XRCC4: variants seen among roughly 807,000 people sequenced by gnomAD.
XRCC4 encodes DNA repair protein XRCC4.
A neutral mutation model predicts 39.1 loss-of-function variants in XRCC4; 28 were observed. The ratio of observed to expected loss-of-function variants is 0.72; its 90% CI spans 0.53 to 0.98. The LOEUF is 0.98. Ranked by LOEUF, XRCC4 falls within the 50% of genes least tolerant of loss-of-function variation. The pLI, the probability that XRCC4 is intolerant of heterozygous loss-of-function variation, is 0.00. For missense variants in XRCC4, 350 were observed against 376.4 expected, an observed-to-expected ratio of 0.93 and a Z score of 0.58; for synonymous variants, 123 against 126.4, an observed-to-expected ratio of 0.97 and a Z score of 0.18.
intron 3 of XRCC4, among the ~76,000 whole-genome samples, chr5:83,121,000 T>C (rs1012429562): frequency 1.3e-5 from 2 of 152,250 alleles, no homozygotes; most frequent in African/African-American, 4.8e-5. Flanking sequence ...TCTGTCATTA[T>C]AGATTGGTTT....
chr5:83,165,183 TC>T (rs1172493284), intron 3 of XRCC4, among the ~76,000 whole-genome samples: 2 of 151,644 alleles, frequency 1.3e-5, no homozygotes, highest in African/African-American at 4.8e-5. Context: ...ATGAAATAAT[TC>T]CCCCTTTAAA....
intron 3 of XRCC4, among the ~76,000 whole-genome samples, chr5:83,135,359 C>T (rs1436486369): frequency 6.6e-6 from 1 of 151,882 alleles, no homozygotes; most frequent in Non-Finnish European, 1.5e-5. Context: ...GAAACTCCTC[C>T]TACCTTATCT....
At chr5:83,170,867 A>T (rs1372390380) in intron 3 of XRCC4, among the ~76,000 whole-genome samples, 3 of 152,178 alleles carry the variant, frequency 2.0e-5, no homozygotes, top group Non-Finnish European at 4.4e-5. Context: ...AGCGGGCGGG[A>T]ATCTTGAGAG....
rs1395386649 is a variant in XRCC4, at chr5:83,134,169, C to T, written c.315+22966C>T. Among the ~76,000 whole-genome samples the T allele has an allele frequency of 2.0e-5, 3 of 152,174 alleles. No individual in the cohort carries two copies. The South Asian group carries it at 6.2e-4, about 32-fold the overall frequency. On this transcript the variant is annotated intron_variant, in intron 3 of 7. Transcript: ENST00000396027. ...GTCTCTTTCTCGCTTTCCCTATTTTCCTCTTGATTGTCTGGAACGAGCTCC... is the reference window on the plus strand; with the variant it reads ...GTCTCTTTCTCGCTTTCCCTATTTTTCTCTTGATTGTCTGGAACGAGCTCC...
chr5:83,270,787 G>GTA (rs201902697), intron 7 of XRCC4, among the ~76,000 whole-genome samples: 53 of 57,110 alleles, frequency 9.3e-4, no homozygotes, highest in African/African-American at 2.1e-3. Context: ...ATATATATAT[G>GTA]TATATATTTT....
At chr5:83,347,695 C>G (rs930642970) in intron 7 of XRCC4, among the ~76,000 whole-genome samples, 1 of 152,098 alleles carries the variant, frequency 6.6e-6, no homozygotes, top group African/African-American at 2.4e-5. Context: ...CCTCCCACAT[C>G]CCCTTCTCAC....
At chr5:83,157,178 TC>T (rs1306945139) in intron 3 of XRCC4, among the ~76,000 whole-genome samples, 1 of 152,052 alleles carries the variant, frequency 6.6e-6, no homozygotes, top group African/African-American at 2.4e-5. Context: ...ATCTTATAAC[TC>T]CCAAGTAAAG....
At chr5:83,144,491 C>T (rs547361228) in intron 3 of XRCC4, among the ~76,000 whole-genome samples, 141 of 151,350 alleles carry the variant, frequency 9.3e-4, no homozygotes, top group African/African-American at 3.2e-3. Flanking sequence ...TTTCTTTTTC[C>T]AAGGAGTGGA....
At chr5:83,084,132 A>G (rs889353293) in intron 1 of XRCC4, among the ~76,000 whole-genome samples, 3 of 152,236 alleles carry the variant, frequency 2.0e-5, no homozygotes, top group Admixed American at 6.5e-5. Flanking sequence ...ACACTCAGCT[A>G]TGAAGCATAG....
chr5:83,137,443 A>G (rs1292640036), intron 3 of XRCC4, among the ~76,000 whole-genome samples: 1 of 152,178 alleles, frequency 6.6e-6, no homozygotes, highest in Non-Finnish European at 1.5e-5. Flanking sequence ...TTCAAATTAC[A>G]TATGGTTATT....
At chr5:83,140,309 C>T (rs1748104504) in intron 3 of XRCC4, among the ~76,000 whole-genome samples, 1 of 152,176 alleles carries the variant, frequency 6.6e-6, no homozygotes, top group African/African-American at 2.4e-5. Flanking sequence ...CCCCGCAAAC[C>T]ACCGATGTAA....
intron 1 of XRCC4, among the ~76,000 whole-genome samples, chr5:83,090,321 A>T (rs1194306976): frequency 7.3e-6 from 1 of 137,042 alleles, no homozygotes; most frequent in African/African-American, 2.9e-5. Context: ...ACGAGATCTG[A>T]TGGTTTTATA....
chr5:83,272,786 A>G (rs1480877039), intron 7 of XRCC4, among the ~76,000 whole-genome samples: 1 of 152,144 alleles, frequency 6.6e-6, no homozygotes, highest in African/African-American at 2.4e-5. Context: ...ATAGTATTCC[A>G]TGGTGTATAT....
intron 7 of XRCC4, among the ~76,000 whole-genome samples, chr5:83,337,529 A>G (rs1214840333): frequency 1.3e-5 from 2 of 152,138 alleles, no homozygotes; most frequent in African/African-American, 4.8e-5. Flanking sequence ...TCCAGTGGGC[A>G]GCCCTAGTCT....
intron 7 of XRCC4, among the ~76,000 whole-genome samples, chr5:83,343,852 G>A (rs1310160541): frequency 6.6e-6 from 1 of 151,930 alleles, no homozygotes; most frequent in African/African-American, 2.4e-5. Flanking sequence ...CCTATACCTT[G>A]GTATTTGTTA....
At chr5:83,116,692 G>A (rs1438833691) in intron 3 of XRCC4, among the ~76,000 whole-genome samples, 1 of 135,118 alleles carries the variant, frequency 7.4e-6, no homozygotes, top group Non-Finnish European at 1.5e-5. Context: ...TGCAATCTCA[G>A]CTCACTGCAA....
intron 4 of XRCC4, among the ~76,000 whole-genome samples, chr5:83,199,200 A>G (rs1318009190): frequency 6.6e-6 from 1 of 152,132 alleles, no homozygotes; most frequent in East Asian, 1.9e-4. Flanking sequence ...AAAGACCTCA[A>G]GAGATATCTT....
At chr5:83,289,866 C>T (rs1026378393) in intron 7 of XRCC4, among the ~76,000 whole-genome samples, 1 of 151,812 alleles carries the variant, frequency 6.6e-6, no homozygotes, top group Non-Finnish European at 1.5e-5. Context: ...TGATGACTCT[C>T]CCCCTGGCAG....
At chr5:83,362,385 A>G in the XRCC4 span, among the ~76,000 whole-genome samples, 1 of 151,118 alleles carries the variant, frequency 6.6e-6, no homozygotes, top group African/African-American at 2.4e-5. Flanking sequence ...CCCCCAAAAG[A>G]TAAAATTGGA....
Sources: allele counts gnomAD v4.1 joint callset (sites outside exome capture counted in the v4.1 genomes callset), GRCh38; gene constraint gnomAD v4.1.1; transcripts MANE v1.5; gene names NCBI Gene and HGNC (gene_info 2026-07-23, HGNC 2026-07-21).